The following GRIP1 variants were observed in gnomAD, a reference collection of about 807,000 sequenced individuals.
The protein encoded by GRIP1 is glutamate receptor interacting protein 1.
A neutral mutation model predicts 129.9 loss-of-function variants in GRIP1; 45 were observed. That is an observed-to-expected ratio of 0.35 (90% CI 0.27 to 0.44). The LOEUF (loss-of-function observed/expected upper bound fraction) is 0.44, where lower values mean the gene tolerates loss of function less well. Ranked by LOEUF, GRIP1 falls within the 20% of genes least tolerant of loss-of-function variation. The pLI, the probability that GRIP1 is intolerant of heterozygous loss-of-function variation, is 1.00. For missense variants in GRIP1, 1,196 were observed against 1,396.8 expected, an observed-to-expected ratio of 0.86 and a Z score of 2.29; for synonymous variants, 530 against 520.8, an observed-to-expected ratio of 1.02 and a Z score of -0.24.
At chr12:66,601,984 G>A (rs7136159) in intron 1 of GRIP1, among the ~76,000 whole-genome samples, 34,270 of 152,130 alleles carry the variant, frequency 0.23, 4,303 homozygotes, top group African/African-American at 0.34. Context: ...TGGATTACCC[G>A]ACGGGGTGAG....
chr12:66,615,994 A>G (rs1184869445), intron 1 of GRIP1, among the ~76,000 whole-genome samples: 2 of 152,188 alleles, frequency 1.3e-5, no homozygotes, highest in Non-Finnish European at 2.9e-5. Context: ...CAAACGTAGA[A>G]GGCCTTTTTG....
At chr12:66,438,720 T>A (rs938843886) in intron 13 of GRIP1, among the ~76,000 whole-genome samples, 2 of 152,080 alleles carry the variant, frequency 1.3e-5, no homozygotes, top group African/African-American at 4.8e-5. Flanking sequence ...GGTCTGGAAT[T>A]CCTGACCTCA....
intron 2 of GRIP1, chr12:66,563,391 T>C (rs915758140): frequency 6.6e-5 from 10 of 152,162 alleles, no homozygotes; most frequent in Non-Finnish European, 1.2e-4. Flanking sequence ...ACCTGAAGTT[T>C]TTCTCAGGAC....
At chr12:66,886,806 G>T (rs1308177506) in intron 1 of GRIP1, among the ~76,000 whole-genome samples, 1 of 152,130 alleles carries the variant, frequency 6.6e-6, no homozygotes, top group Non-Finnish European at 1.5e-5. Context: ...ATTTGATCAT[G>T]ACAACAATAC....
At chr12:67,046,304 G>A (rs1360463710) in intron 1 of GRIP1, among the ~76,000 whole-genome samples, 1 of 152,038 alleles carries the variant, frequency 6.6e-6, no homozygotes, top group East Asian at 1.9e-4. Flanking sequence ...TGTGACCTCA[G>A]GAAGATCCAA....
intron 7 of GRIP1, among the ~76,000 whole-genome samples, chr12:66,471,570 T>C (rs2059439741): frequency 6.6e-6 from 1 of 152,180 alleles, no homozygotes; most frequent in South Asian, 2.1e-4. Context: ...AATGACTCAA[T>C]TTCCCAGCAA....
At position 66,581,734 on chromosome 12, in the gene GRIP1, A is replaced by C. The variant is rs577156278; in HGVS notation, c.136+15113T>G. Among the ~76,000 whole-genome samples, 11 of 152,296 alleles carry C rather than the reference A, an allele frequency of 7.2e-5. No homozygotes were observed. In the East Asian group the frequency reaches 2.1e-3, roughly 29 times the overall value. On this transcript the variant is annotated intron_variant, in intron 2 of 24. Transcript: ENST00000359742. ...AAGTTGAATCTCTGAATAGACCAAT[A>C]ACAGGAGCTGAAATTGTGGCAATAA...
intron 1 of GRIP1, among the ~76,000 whole-genome samples, chr12:66,975,347 C>T (rs2042135862): frequency 6.6e-6 from 1 of 152,156 alleles, no homozygotes; most frequent in African/African-American, 2.4e-5. Context: ...ATTCAGTTTC[C>T]ATCAGTGGCT....
chr12:66,519,116 G>T (rs1565819471), intron 5 of GRIP1, among the ~76,000 whole-genome samples: 1 of 151,114 alleles, frequency 6.6e-6, no homozygotes, highest in African/African-American at 2.5e-5. Context: ...TAGGCCGAAA[G>T]GTCAACTTAT....
intron 1 of GRIP1, among the ~76,000 whole-genome samples, chr12:66,609,006 C>A (rs969836972): frequency 3.3e-5 from 5 of 150,930 alleles, no homozygotes; most frequent in African/African-American, 1.2e-4. Context: ...ACCTTAAAAT[C>A]ATCAACCTGC....
chr12:66,594,344 T>A (rs907122020), intron 2 of GRIP1, among the ~76,000 whole-genome samples: 3 of 152,180 alleles, frequency 2.0e-5, no homozygotes, highest in African/African-American at 2.4e-5. Flanking sequence ...AGACTAAGAC[T>A]GTAAATGTCA....
intron 1 of GRIP1, among the ~76,000 whole-genome samples, chr12:66,626,993 C>T (rs1565921545): frequency 1.3e-5 from 2 of 152,100 alleles, no homozygotes; most frequent in South Asian, 4.2e-4. Context: ...ATTTTCTAAC[C>T]ACAGGTGCTT....
intron 7 of GRIP1, among the ~76,000 whole-genome samples, chr12:66,500,625 T>G (rs2060366081): frequency 6.6e-6 from 1 of 152,186 alleles, no homozygotes; most frequent in African/African-American, 2.4e-5. Flanking sequence ...GCATTTTACT[T>G]GTTCTTAAGT....
chr12:66,489,644 G>T (rs549986830), intron 7 of GRIP1, among the ~76,000 whole-genome samples: 1 of 151,974 alleles, frequency 6.6e-6, no homozygotes, highest in Non-Finnish European at 1.5e-5. Flanking sequence ...AGAAATAAAG[G>T]GTATTCAAAT....
chr12:66,939,494 C>T (rs12821510), intron 1 of GRIP1, among the ~76,000 whole-genome samples: 28,665 of 152,030 alleles, frequency 0.19, 3,235 homozygotes, highest in South Asian at 0.26. Flanking sequence ...AAATTCAATA[C>T]ATATCCTGGC....
chr12:67,030,929 C>A (rs1291727322), intron 1 of GRIP1, among the ~76,000 whole-genome samples: 1 of 151,496 alleles, frequency 6.6e-6, no homozygotes, highest in Non-Finnish European at 1.5e-5. Context: ...AGCAACTGCT[C>A]GGTTAGCTGT....
chr12:66,575,816 C>G (rs534510996), intron 2 of GRIP1, among the ~76,000 whole-genome samples: 1 of 152,150 alleles, frequency 6.6e-6, no homozygotes, highest in Admixed American at 6.5e-5. Context: ...AATGTTGTAC[C>G]TCCAGTGGCT....
chr12:66,477,495 C>A (rs891175023), intron 7 of GRIP1, among the ~76,000 whole-genome samples: 4 of 151,904 alleles, frequency 2.6e-5, no homozygotes. Flanking sequence ...ATCAAGCTAC[C>A]AATGACTTTC....
intron 1 of GRIP1, among the ~76,000 whole-genome samples, chr12:66,907,932 G>A (rs1028891168): frequency 6.6e-6 from 1 of 152,120 alleles, no homozygotes; most frequent in South Asian, 2.1e-4. Flanking sequence ...GACAAGAACA[G>A]TGTTGGATTG....
Sources: allele counts gnomAD v4.1 joint callset (sites outside exome capture counted in the v4.1 genomes callset), GRCh38; gene constraint gnomAD v4.1.1; transcripts MANE v1.5; gene names NCBI Gene and HGNC (gene_info 2026-07-23, HGNC 2026-07-21).